The following SMS variants were observed in gnomAD, a reference collection of about 807,000 sequenced individuals.
The protein encoded by SMS is spermine synthase.
A neutral mutation model predicts 33.0 loss-of-function variants in SMS; 3 were observed. The observed-to-expected ratio is 0.09, with a 90% CI of 0.04 to 0.23. SMS has a LOEUF of 0.23. SMS is among the 10% of genes least tolerant of loss of function. The probability of loss-of-function intolerance (pLI) is 1.00; values close to 1 mark genes in which losing one functional copy is unlikely to be tolerated. For missense variants in SMS, 117 were observed against 288.6 expected (o/e 0.41, Z 4.31); for synonymous variants, 103 against 112.2 (o/e 0.92, Z 0.52).
At chrX:21,977,743 TC>T (rs1356327246) in intron 5 of SMS, among the ~76,000 whole-genome samples, 1 of 112,545 alleles carries the variant, frequency 8.9e-6, no homozygotes. Context: ...TGGATTTTCT[TC>T]CCACTGACTA....
intron 1 of SMS, among the ~76,000 whole-genome samples, chrX:21,956,187 G>C (rs1319034677): frequency 8.9e-6 from 1 of 112,675 alleles, no homozygotes; most frequent in African/African-American, 3.2e-5. Flanking sequence ...AAGAGCTTGG[G>C]TGTCATTTCT....
chrX:21,973,263 C>T (rs774925630), intron 4 of SMS, among the ~76,000 whole-genome samples: 1 of 112,211 alleles, frequency 8.9e-6, no homozygotes, highest in African/African-American at 3.2e-5. Flanking sequence ...TGGGTGAAAC[C>T]CCGTCTCTAC....
chrX:21,945,633 G>GGCC (rs1569340036), intron 1 of SMS, among the ~76,000 whole-genome samples: 29 of 49,697 alleles, frequency 5.8e-4, no homozygotes, highest in Admixed American at 2.4e-3. Context: ...TTTGCTTCCC[G>GGCC]TCCCCCCCCC....
Position 21,983,535 on chromosome X carries a change from C to T in SMS, c.751-769C>T, listed in dbSNP as rs1458120527. Among the ~76,000 whole-genome samples, 7 of 111,669 alleles carry T rather than the reference C, an allele frequency of 6.3e-5. No homozygotes were observed. The Admixed American group carries it at 6.7e-4, about 11-fold the overall frequency. On this transcript the variant is annotated intron_variant, in intron 7 of 10. Coordinates refer to ENST00000404933, the MANE Select transcript of SMS (RefSeq NM_004595.5). ...ATACAGCCAACCTCAAACTTCTTTT[C>T]TGTGTTAACTATATATGATCTGTAT...
rs756043138 is a variant in SMS at position 21,951,160 on chromosome X, C to T, written c.49+10287C>T. On this transcript the variant is annotated intron_variant, in intron 1 of 10. Transcript: ENST00000404933. The stretch of plus-strand genomic sequence containing the variant: ...TTCTAACTGGCATGACATGGTATCT[C>T]ATTGTGGTTTTGATTTACATTTCTC... Among the ~76,000 whole-genome samples the T allele has an allele frequency of 1.2e-4, 13 of 112,503 alleles. No individual in the cohort carries two copies. In the South Asian group the frequency reaches 4.0e-3, roughly 35 times the overall value.
At chrX:21,977,013 T>C (rs1335135006) in intron 4 of SMS, 48 bp from the exon 5 acceptor site, 1 of 1,125,260 alleles carries the variant, frequency 8.9e-7, no homozygotes, top group East Asian at 3.0e-5. Context: ...GCTCCACTTG[T>C]AAGGCAGTGT....
chrX:21,963,945 G>A (rs1253225621), intron 1 of SMS, among the ~76,000 whole-genome samples: 1 of 111,764 alleles, frequency 8.9e-6, no homozygotes, highest in African/African-American at 3.3e-5. Context: ...CAGATTCAGG[G>A]AAAGTTCTGC....
Position 21,942,829 on chromosome X carries a change from C to CTT in SMS, c.49+1977_49+1978dup, listed in dbSNP as rs772851812. On this transcript the variant is annotated intron_variant, in intron 1 of 10. Transcript: ENST00000404933. ...ATTTATCGTCCATGGATTTTCTTAA[C>CTT]TTTTTTTTTTTTTTTTTTTTTTAAT... 3.6e-3 allele frequency among the ~76,000 whole-genome samples: 296 copies of CTT among 81,848 alleles called. 5 individuals carry two copies. Among genetic ancestry groups the CTT allele is most frequent in the African/African-American group, 0.013 (251 of 19,417 alleles). The allele number at this position is 81,848 out of a possible 115,157, so 71.1% of individuals were successfully genotyped here.
chrX:21,978,244 C>G, intron 6 of SMS, 130 bp downstream of exon 6: 1 of 622,672 alleles, frequency 1.6e-6, no homozygotes. Flanking sequence ...CTTGAACAGA[C>G]AATTTAGTAA....
intron 1 of SMS, among the ~76,000 whole-genome samples, chrX:21,962,291 T>C (rs1302350441): frequency 8.9e-6 from 1 of 112,275 alleles, no homozygotes; most frequent in Non-Finnish European, 1.9e-5. Context: ...TGTTGGGTCA[T>C]TTTACAAGTT....
intron 1 of SMS, among the ~76,000 whole-genome samples, chrX:21,946,490 A>G (rs1156436379): frequency 1.8e-5 from 2 of 112,265 alleles, no homozygotes; most frequent in Non-Finnish European, 3.8e-5. Context: ...AAAGACAAAT[A>G]AATAGGCCTA....
At chrX:21,950,094 G>A (rs143146691) in intron 1 of SMS, among the ~76,000 whole-genome samples, 3,351 of 111,608 alleles carry the variant, frequency 0.03, 120 homozygotes, top group African/African-American at 0.1. Context: ...TCAAAGATGG[G>A]GTCTTGCTGT....
chrX:21,945,696 C>T (rs1263996822), intron 1 of SMS, among the ~76,000 whole-genome samples: 1 of 97,755 alleles, frequency 1.0e-5, no homozygotes. Flanking sequence ...ATGGCACGAT[C>T]TCAGTGTAAC....
chrX:21,972,447 TA>T, intron 3 of SMS, 59 bp from the exon 4 acceptor site: 1 of 785,246 alleles, frequency 1.3e-6, no homozygotes. Context: ...GTTGGGTCTG[TA>T]ATTTAGTTCT....
intron 1 of SMS, among the ~76,000 whole-genome samples, chrX:21,966,262 C>T (rs1307131861): frequency 8.9e-6 from 1 of 112,311 alleles, no homozygotes; most frequent in African/African-American, 3.2e-5. Context: ...TATTTTTCCC[C>T]TCACAGGAGC....
At chrX:21,975,607 C>G (rs865815066) in intron 4 of SMS, among the ~76,000 whole-genome samples, 9 of 111,383 alleles carry the variant, frequency 8.1e-5, no homozygotes, top group East Asian at 2.8e-4. Context: ...CGCCTGCTCT[C>G]TAGCAGTTGT....
chrX:21,981,023 T>A (rs1924902541), intron 7 of SMS, among the ~76,000 whole-genome samples: 1 of 111,949 alleles, frequency 8.9e-6, no homozygotes, highest in Admixed American at 9.5e-5. Context: ...ATGCTGTATT[T>A]CTTGTATTGA....
intron 4 of SMS, among the ~76,000 whole-genome samples, chrX:21,973,298 G>A (rs1050522639): frequency 2.7e-5 from 3 of 112,290 alleles, no homozygotes; most frequent in African/African-American, 6.5e-5. Context: ...GTAGCCAGGC[G>A]TGGTGGTACG....
intron 7 of SMS, among the ~76,000 whole-genome samples, chrX:21,983,966 T>C (rs1925154369): frequency 8.9e-6 from 1 of 111,895 alleles, no homozygotes; most frequent in Non-Finnish European, 1.9e-5. Context: ...AAGTATGAAG[T>C]TGGCTTTCAG....
Sources: allele counts gnomAD v4.1 joint callset (sites outside exome capture counted in the v4.1 genomes callset), GRCh38; gene constraint gnomAD v4.1.1; transcripts MANE v1.5; gene names NCBI Gene and HGNC (gene_info 2026-07-23, HGNC 2026-07-21).